Variants in IFT57 observed in about 807,000 individuals in gnomAD.
The protein encoded by IFT57 is intraflagellar transport 57, also known as intraflagellar transport protein 57 homolog.
A neutral mutation model predicts 56.8 loss-of-function variants in IFT57; 59 were observed. The observed-to-expected ratio is 1.04, with a 90% CI of 0.84 to 1.29. The LOEUF (loss-of-function observed/expected upper bound fraction) is 1.29, where lower values mean the gene tolerates loss of function less well. Among genes scored for constraint, IFT57 ranks in the 50% most tolerant of loss-of-function variants. IFT57 has a pLI of 0.00. For synonymous variants in IFT57, 209 were observed against 186.1 expected (o/e 1.12, Z -1.00); for missense variants, 470 against 522.1 (o/e 0.90, Z 0.97).
At position 108,213,996 on chromosome 3, in the gene IFT57, C is replaced by A; in HGVS notation, c.520G>T (p.Glu174Ter). The change falls in exon 4 of 11, where the codon GAA (glutamate) becomes TAA (stop). Residue 174 changes from glutamate (E) to a stop codon, truncating the protein, a stop_gained. Coordinates refer to ENST00000264538, the MANE Select transcript of IFT57 (RefSeq NM_018010.4). LOFTEE classifies it high-confidence loss of function. ...TCATCTTCTGCAACGCTTTCTTCTT[C>A]TAATTCTTCTACTGGGTATATTGGC... ...KRPIYPVEEL[E>*]EESVAEDDAE... 6.2e-7 allele frequency: 1 copy of A among 1,603,948 alleles called. No individual in the cohort carries two copies. Among genetic ancestry groups the A allele is most frequent in the Non-Finnish European group, 8.5e-7 (1 of 1,171,252 alleles).
At position 108,192,255 on chromosome 3, in the gene IFT57, T is replaced by C. The variant is rs9852692; in HGVS notation, c.655-612A>G. Among the ~76,000 whole-genome samples the C allele has an allele frequency of 4.5e-3, 660 of 145,274 alleles. 2 individuals are homozygous for C. The highest frequency in any genetic ancestry group is 0.016 in the African/African-American group (625 of 39,240). On this transcript the variant is annotated intron_variant, in intron 5 of 10. Coordinates refer to ENST00000264538, the MANE Select transcript of IFT57 (RefSeq NM_018010.4). ...AACCCCAAATCTGAAAGACAAAATA[T>C]AAAAAAATTCCAGAAGCAAAGAATC...
At position 108,213,974 on chromosome 3, in the gene IFT57, T is replaced by C. The variant is rs1440347375; in HGVS notation, c.542A>G (p.Asp181Gly). The change falls in exon 4 of 11, where the codon GAT (aspartate) becomes GGT (glycine). Residue 181 changes from aspartate to glycine, a missense_variant. Asp to Gly is a moderately conservative substitution (Grantham distance 94). Coordinates refer to ENST00000264538, the MANE Select transcript of IFT57 (RefSeq NM_018010.4). ...EELEEESVAE[D>G]DAELTLNKVD... is the part of the protein sequence containing the mutation. Reference sequence around the variant, plus strand: ...TTTATTTAATGTTAATTCTGCATCATCTTCTGCAACGCTTTCTTCTTCTAA... The same window carrying C: ...TTTATTTAATGTTAATTCTGCATCACCTTCTGCAACGCTTTCTTCTTCTAA... The C allele has an allele frequency of 6.2e-7, 1 of 1,610,444 alleles. No individual in the cohort carries two copies. Among genetic ancestry groups the C allele is most frequent in the Non-Finnish European group, 8.5e-7 (1 of 1,177,058 alleles).
intron 4 of IFT57, among the ~76,000 whole-genome samples, chr3:108,211,158 C>T (rs1289770): frequency 0.87 from 132,611 of 152,184 alleles, 58,898 homozygotes; most frequent in Non-Finnish European, 0.97. Flanking sequence ...CAGATATTTT[C>T]CTCCTGACTA....
chr3:108,222,101 C>T lies in IFT57; in HGVS notation c.212+10G>A. On this transcript the variant is annotated intron_variant, in intron 1 of 10. Coordinates refer to ENST00000264538, the MANE Select transcript of IFT57 (RefSeq NM_018010.4). ...CAGGCACCCGGGCGCTCGGGGACGCCGGCACCCACCTGGACGGGGCCTTCA... is the reference window on the plus strand; with the variant it reads ...CAGGCACCCGGGCGCTCGGGGACGCTGGCACCCACCTGGACGGGGCCTTCA... 11 of 1,584,706 alleles carry T rather than the reference C, an allele frequency of 6.9e-6. No individual in the cohort carries two copies. The highest frequency in any genetic ancestry group is 9.4e-6 in the Non-Finnish European group (11 of 1,166,852).
intron 5 of IFT57, among the ~76,000 whole-genome samples, chr3:108,196,274 C>T (rs761940538): frequency 3.0e-4 from 46 of 152,098 alleles, no homozygotes; most frequent in Admixed American, 1.3e-4. Context: ...CATTTCCAAC[C>T]CCTCTTTCTT....
chr3:108,182,654 C>T (rs1482650961), intron 6 of IFT57, among the ~76,000 whole-genome samples: 2 of 152,062 alleles, frequency 1.3e-5, no homozygotes, highest in African/African-American at 4.8e-5. Flanking sequence ...TTTACAACTG[C>T]ACTCTAAGTC....
intron 8 of IFT57, 67 bp downstream of exon 8, chr3:108,166,787 A>C (rs1204113310): frequency 1.5e-6 from 2 of 1,354,460 alleles, no homozygotes; most frequent in Non-Finnish European, 2.0e-6. Flanking sequence ...AATGAACAGT[A>C]TTGTGTCAAG....
chr3:108,181,578 T>C (rs2080151270), intron 6 of IFT57, among the ~76,000 whole-genome samples: 1 of 152,138 alleles, frequency 6.6e-6, no homozygotes, highest in South Asian at 2.1e-4. Flanking sequence ...TATGTGTGTC[T>C]AGTTAATTTA....
At chr3:108,199,824 A>G (rs1231729654) in intron 5 of IFT57, among the ~76,000 whole-genome samples, 2 of 152,196 alleles carry the variant, frequency 1.3e-5, no homozygotes, top group African/African-American at 4.8e-5. Flanking sequence ...CAAGGTGATA[A>G]GGGAAGTGTC....
At chr3:108,183,513 C>T (rs1239314764) in intron 6 of IFT57, among the ~76,000 whole-genome samples, 1 of 152,122 alleles carries the variant, frequency 6.6e-6, no homozygotes, top group Non-Finnish European at 1.5e-5. Context: ...ACCAGCCAGT[C>T]ACATATTATA....
At position 108,187,530 on chromosome 3, in the gene IFT57, G is replaced by C. The variant is rs577715224; in HGVS notation, c.777+3991C>G. Among the ~76,000 whole-genome samples the C allele has an allele frequency of 1.5e-4, 23 of 151,602 alleles. No individual in the cohort carries two copies. In the South Asian group the frequency reaches 4.6e-3, roughly 30 times the overall value. On this transcript the variant is annotated intron_variant, in intron 6 of 10. Coordinates refer to ENST00000264538, the MANE Select transcript of IFT57 (RefSeq NM_018010.4). ...GAGAGAAGACTGCTCTGCCTATGGAGTAGCCATGATTTTGTTTCTTTACTT... is the reference window on the plus strand; with the variant it reads ...GAGAGAAGACTGCTCTGCCTATGGACTAGCCATGATTTTGTTTCTTTACTT...
intron 5 of IFT57, among the ~76,000 whole-genome samples, chr3:108,195,780 T>C (rs1320369914): frequency 6.6e-6 from 1 of 151,988 alleles, no homozygotes; most frequent in African/African-American, 2.4e-5. Flanking sequence ...GTAGATTTCA[T>C]GGAGGTAGAG....
intron 5 of IFT57, among the ~76,000 whole-genome samples, chr3:108,204,166 G>A (rs1341478732): frequency 6.6e-6 from 1 of 152,142 alleles, no homozygotes; most frequent in Non-Finnish European, 1.5e-5. Flanking sequence ...GCTTTAGTGG[G>A]CAATATCATG....
chr3:108,182,332 C>T (rs2080155554), intron 6 of IFT57, among the ~76,000 whole-genome samples: 1 of 152,042 alleles, frequency 6.6e-6, no homozygotes, highest in Non-Finnish European at 1.5e-5. Context: ...CTGTAAATTT[C>T]TGCAGGATTT....
intron 10 of IFT57, among the ~76,000 whole-genome samples, chr3:108,163,455 C>G (rs2080044956): frequency 6.6e-6 from 1 of 152,070 alleles, no homozygotes; most frequent in South Asian, 2.1e-4. Flanking sequence ...TTAAAAACCT[C>G]TAAATTATAG....
chr3:108,205,843 AATTT>A (rs1017366619), intron 5 of IFT57, among the ~76,000 whole-genome samples: 3 of 127,970 alleles, frequency 2.3e-5, no homozygotes, highest in African/African-American at 5.5e-5. Flanking sequence ...TTATTTAATT[AATTT>A]AACATATATT....
At chr3:108,175,992 G>C (rs1320766413) in intron 6 of IFT57, among the ~76,000 whole-genome samples, 3 of 151,640 alleles carry the variant, frequency 2.0e-5, no homozygotes, top group Admixed American at 2.0e-4. Context: ...GCTTCTCCCT[G>C]CAAAAAAGCA....
At chr3:108,195,007 G>A (rs888264489) in intron 5 of IFT57, among the ~76,000 whole-genome samples, 3 of 152,058 alleles carry the variant, frequency 2.0e-5, no homozygotes, top group African/African-American at 7.2e-5. Flanking sequence ...CACAGAAAAG[G>A]AAGCAATCAA....
chr3:108,202,054 A>C (rs1311729377), intron 5 of IFT57, among the ~76,000 whole-genome samples: 1 of 152,208 alleles, frequency 6.6e-6, no homozygotes, highest in Non-Finnish European at 1.5e-5. Flanking sequence ...GGTTTCCAAA[A>C]CCTCAAATTT....
Sources: gnomAD v4.1 joint callset for allele counts (sites outside exome capture counted in the v4.1 genomes callset) on GRCh38, gnomAD v4.1.1 for gene constraint, MANE v1.5 for transcripts, NCBI Gene and HGNC (gene_info 2026-07-23, HGNC 2026-07-21) for gene names.